Variants in PABPC4L observed in about 807,000 individuals in gnomAD.
PABPC4L encodes the protein poly(A) binding protein cytoplasmic 4 like.
For synonymous variants in PABPC4L, 169 were observed against 164.1 expected (o/e 1.03, Z -0.23); for missense variants, 452 against 451.4 (o/e 1.00, Z -0.01).
chr4:134,020,062 A>T, the PABPC4L span, among the ~76,000 whole-genome samples: 2 of 152,144 alleles, frequency 1.3e-5, no homozygotes, highest in African/African-American at 4.8e-5. Context: ...AGCTACTACC[A>T]CAACTAGGTA....
At chr4:134,160,364 G>A in the PABPC4L span, among the ~76,000 whole-genome samples, 1 of 152,160 alleles carries the variant, frequency 6.6e-6, no homozygotes, top group East Asian at 1.9e-4. Context: ...GGTAACCCCA[G>A]GCTATGTAAT....
chr4:133,989,572 C>A, the PABPC4L span, among the ~76,000 whole-genome samples: 1 of 152,116 alleles, frequency 6.6e-6, no homozygotes, highest in African/African-American at 2.4e-5. Flanking sequence ...CAAGAAAGTT[C>A]CAAACTGCCT....
the PABPC4L span, among the ~76,000 whole-genome samples, chr4:134,177,929 C>T: frequency 6.6e-6 from 1 of 152,026 alleles, no homozygotes; most frequent in South Asian, 2.1e-4. Context: ...AATTTCCAGC[C>T]TAGCAACCCT....
At chr4:134,038,429 T>C in the PABPC4L span, among the ~76,000 whole-genome samples, 1 of 152,140 alleles carries the variant, frequency 6.6e-6, no homozygotes, top group Non-Finnish European at 1.5e-5. Context: ...CTGGTAGAAT[T>C]TGGCTGTGAA....
chr4:134,183,764 C>A, the PABPC4L span, among the ~76,000 whole-genome samples: 1 of 151,826 alleles, frequency 6.6e-6, no homozygotes, highest in Admixed American at 6.6e-5. Context: ...AAGAATTCTA[C>A]ACAAAATCTA....
chr4:133,979,161 CTAAG>C, the PABPC4L span, among the ~76,000 whole-genome samples: 2 of 152,190 alleles, frequency 1.3e-5, no homozygotes, highest in Admixed American at 6.5e-5. Context: ...TTAAAGTTGA[CTAAG>C]TGTCAGGCCC....
the PABPC4L span, among the ~76,000 whole-genome samples, chr4:134,131,780 A>C: frequency 1.3e-3 from 204 of 151,124 alleles, 1 homozygote; most frequent in African/African-American, 4.6e-3. Context: ...AAAAAAGAAC[A>C]ATTCTGGAGG....
the PABPC4L span, among the ~76,000 whole-genome samples, chr4:134,068,740 G>A: frequency 1.1e-4 from 17 of 148,620 alleles, no homozygotes; most frequent in South Asian, 2.2e-4. Flanking sequence ...ACAGGGTCTC[G>A]CTCTGTTGCC....
At chr4:134,089,780 C>A in the PABPC4L span, among the ~76,000 whole-genome samples, 1 of 151,914 alleles carries the variant, frequency 6.6e-6, no homozygotes, top group Non-Finnish European at 1.5e-5. Context: ...TAGGGCTGAG[C>A]GCAGACTGTA....
chr4:134,147,166 C>A, the PABPC4L span, among the ~76,000 whole-genome samples: 1 of 152,146 alleles, frequency 6.6e-6, no homozygotes, highest in African/African-American at 2.4e-5. Context: ...ATTTGAACTA[C>A]AAATTTCAGC....
At chr4:134,027,626 GTATTTTT>G in the PABPC4L span, among the ~76,000 whole-genome samples, 1 of 152,018 alleles carries the variant, frequency 6.6e-6, no homozygotes, top group African/African-American at 2.4e-5. Context: ...TATAGTAATT[GTATTTTT>G]TATTTTTTGA....
the PABPC4L span, among the ~76,000 whole-genome samples, chr4:134,093,195 A>AT: frequency 6.7e-6 from 1 of 150,200 alleles, no homozygotes; most frequent in East Asian, 2.0e-4. Flanking sequence ...TCTAACATTA[A>AT]TTTTTCATTT....
At chr4:134,006,517 C>A in the PABPC4L span, among the ~76,000 whole-genome samples, 1 of 151,882 alleles carries the variant, frequency 6.6e-6, no homozygotes, top group Non-Finnish European at 1.5e-5. Flanking sequence ...GGCAGCCCAG[C>A]TACTTTTGTC....
chr4:134,004,829 A>G, the PABPC4L span, among the ~76,000 whole-genome samples: 1 of 151,852 alleles, frequency 6.6e-6, no homozygotes, highest in Non-Finnish European at 1.5e-5. Context: ...AGTCTGGAGG[A>G]TATTATGTTA....
At chr4:134,101,320 A>C in the PABPC4L span, among the ~76,000 whole-genome samples, 3 of 151,554 alleles carry the variant, frequency 2.0e-5, no homozygotes, top group South Asian at 2.1e-4. Flanking sequence ...ATAATATCAG[A>C]GAATACTCAG....
At chr4:134,089,581 A>G in the PABPC4L span, among the ~76,000 whole-genome samples, 1 of 152,138 alleles carries the variant, frequency 6.6e-6, no homozygotes, top group East Asian at 1.9e-4. Flanking sequence ...CCTATTTATA[A>G]ATCAAACTTT....
chr4:134,038,838 T>A, the PABPC4L span, among the ~76,000 whole-genome samples: 1 of 152,234 alleles, frequency 6.6e-6, no homozygotes, highest in South Asian at 2.1e-4. Flanking sequence ...TCTGCTCTGA[T>A]CTTAGTTATT....
chr4:134,055,686 T>C, the PABPC4L span, among the ~76,000 whole-genome samples: 1 of 151,554 alleles, frequency 6.6e-6, no homozygotes, highest in Non-Finnish European at 1.5e-5. Flanking sequence ...TTTTTAATGT[T>C]GAGTTTCAAG....
At chr4:134,091,955 AT>A in the PABPC4L span, among the ~76,000 whole-genome samples, 1 of 151,968 alleles carries the variant, frequency 6.6e-6, no homozygotes, top group African/African-American at 2.4e-5. Context: ...ATCTGGCTTT[AT>A]TTTTTGGGTA....
Sources: allele counts gnomAD v4.1 joint callset (sites outside exome capture counted in the v4.1 genomes callset), GRCh38; gene constraint gnomAD v4.1.1; transcripts MANE v1.5; gene names NCBI Gene and HGNC (gene_info 2026-07-23, HGNC 2026-07-21).